The following TSHZ2 variants were observed in gnomAD, a reference collection of about 807,000 sequenced individuals.
TSHZ2 encodes teashirt zinc finger homeobox 2.
In TSHZ2, 21 loss-of-function variants were observed where a neutral mutation model predicts 74.4. The ratio of observed to expected loss-of-function variants is 0.28; its 90% CI spans 0.20 to 0.41. TSHZ2 has a LOEUF of 0.41. TSHZ2 is among the 10% of genes least tolerant of loss of function. The pLI is 1.00. For synonymous variants in TSHZ2, 540 were observed against 515.3 expected (o/e 1.05, Z -0.65); for missense variants, 1,244 against 1,293.5 (o/e 0.96, Z 0.59).
At chr20:53,025,961 A>C (rs1983426517) in intron 1 of TSHZ2, among the ~76,000 whole-genome samples, 1 of 152,218 alleles carries the variant, frequency 6.6e-6, no homozygotes, top group African/African-American at 2.4e-5. Context: ...CGACAGAAGT[A>C]GAGCCCGTTA....
intron 2 of TSHZ2, chr20:53,461,461 C>T (rs1159513073): frequency 6.5e-6 from 1 of 153,206 alleles, no homozygotes; most frequent in Non-Finnish European, 1.5e-5. Context: ...GTGAGATGAA[C>T]CCAGTACCTC....
chr20:53,413,643 A>T (rs1983132497), intron 2 of TSHZ2, among the ~76,000 whole-genome samples: 1 of 152,072 alleles, frequency 6.6e-6, no homozygotes, highest in Admixed American at 6.5e-5. Context: ...AGCAAGGACT[A>T]CTCCATTGTG....
chr20:53,095,055 C>T (rs535850729), intron 1 of TSHZ2, among the ~76,000 whole-genome samples: 19 of 152,256 alleles, frequency 1.2e-4, no homozygotes, highest in South Asian at 8.3e-4. Context: ...GAAAACCCAA[C>T]GCAAAATGGC....
chr20:53,281,145 T>G (rs369061261), intron 2 of TSHZ2, among the ~76,000 whole-genome samples: 3 of 152,208 alleles, frequency 2.0e-5, no homozygotes, highest in African/African-American at 7.2e-5. Context: ...ATAATTTCAG[T>G]GCTGTTAGTT....
At chr20:53,110,395 CCTT>C (rs1275779197) in intron 1 of TSHZ2, among the ~76,000 whole-genome samples, 1 of 152,042 alleles carries the variant, frequency 6.6e-6, no homozygotes, top group Non-Finnish European at 1.5e-5. Context: ...TTGCTGCAGC[CCTT>C]CTTCTCTATC....
chr20:52,981,372 T>C (rs1054049513), intron 1 of TSHZ2, among the ~76,000 whole-genome samples: 1 of 152,178 alleles, frequency 6.6e-6, no homozygotes, highest in Admixed American at 6.5e-5. Flanking sequence ...GCTGCTCAAA[T>C]CTCTGCCCTC....
intron 1 of TSHZ2, among the ~76,000 whole-genome samples, chr20:53,038,192 C>CAAAAAAA (rs869242676): frequency 4.1e-4 from 22 of 53,942 alleles, no homozygotes; most frequent in Admixed American, 6.3e-4. Context: ...GATTCCGTCT[C>CAAAAAAA]AAAAAAAAAA....
chr20:52,981,512 T>C (rs1028247122), intron 1 of TSHZ2, among the ~76,000 whole-genome samples: 3 of 152,166 alleles, frequency 2.0e-5, no homozygotes, highest in Non-Finnish European at 4.4e-5. Context: ...TAGTGTGTCT[T>C]TACCCTGAAT....
In TSHZ2 at chr20:53,207,447, T is replaced by C. The variant is rs1242158355; in HGVS notation, c.41-46052T>C. Among the ~76,000 whole-genome samples the C allele has an allele frequency of 2.0e-5, 3 of 152,110 alleles. No homozygotes were observed. The East Asian group carries it at 5.8e-4, about 29-fold the overall frequency. The stretch of plus-strand genomic sequence containing the variant: ...GAAGTTTGGTGGCAAGAAGCAGCAA[T>C]AAGGCCCCAGAAGCAGGAGGTCAGT... On this transcript the variant is annotated intron_variant, in intron 1 of 2. Coordinates refer to ENST00000371497, the MANE Select transcript of TSHZ2 (RefSeq NM_173485.6).
intron 1 of TSHZ2, among the ~76,000 whole-genome samples, chr20:53,165,424 A>G (rs1275237455): frequency 6.6e-6 from 1 of 152,214 alleles, no homozygotes; most frequent in Non-Finnish European, 1.5e-5. Context: ...AGCACCATGC[A>G]TTATTTACAC....
intron 2 of TSHZ2, among the ~76,000 whole-genome samples, chr20:53,409,634 A>G (rs187357090): frequency 6.6e-6 from 1 of 152,224 alleles, no homozygotes. Context: ...CACTCTGTTC[A>G]TATTGGCTTT....
intron 1 of TSHZ2, among the ~76,000 whole-genome samples, chr20:53,130,581 G>A (rs986469837): frequency 6.6e-6 from 1 of 152,142 alleles, no homozygotes; most frequent in Admixed American, 6.5e-5. Flanking sequence ...AGCTGAGATT[G>A]CTCCACTGCA....
chr20:52,996,039 T>C (rs1982173845), intron 1 of TSHZ2, among the ~76,000 whole-genome samples: 1 of 152,214 alleles, frequency 6.6e-6, no homozygotes, highest in Non-Finnish European at 1.5e-5. Flanking sequence ...TCTTAATAAA[T>C]GTTAATGTGG....
At chr20:53,377,092 G>A (rs1260843886) in intron 2 of TSHZ2, among the ~76,000 whole-genome samples, 5 of 152,196 alleles carry the variant, frequency 3.3e-5, no homozygotes, top group East Asian at 1.9e-4. Context: ...GAAAACAAGC[G>A]AGGAGTCATT....
At chr20:53,355,696 T>A (rs974017630) in intron 2 of TSHZ2, among the ~76,000 whole-genome samples, 7 of 152,222 alleles carry the variant, frequency 4.6e-5, no homozygotes, top group African/African-American at 1.7e-4. Flanking sequence ...GTTGAACAAC[T>A]GAAATTATAC....
chr20:53,185,591 G>T, intron 1 of TSHZ2: 1 of 1,528,762 alleles, frequency 6.5e-7, no homozygotes, highest in Admixed American at 2.0e-5. Flanking sequence ...CTGCACTCCA[G>T]CTGGGGATAC....
chr20:53,194,878 T>G lies in TSHZ2; in HGVS notation c.41-58621T>G, dbSNP rs113280699. Among the ~76,000 whole-genome samples the G allele has an allele frequency of 2.0e-3, 301 of 152,336 alleles. 3 individuals carry two copies. The highest frequency in any genetic ancestry group is 7.0e-3 in the African/African-American group (292 of 41,576). ...TTTCACTTTGGAATCAATCACAGGC[T>G]AGTTCTGATTGTGACCTTGCAAAGA... is the stretch of plus-strand genomic sequence containing the variant. On this transcript the variant is annotated intron_variant, in intron 1 of 2. Transcript: ENST00000371497.
At chr20:53,215,656 C>T (rs773189246) in intron 1 of TSHZ2, among the ~76,000 whole-genome samples, 2 of 151,594 alleles carry the variant, frequency 1.3e-5, no homozygotes, top group South Asian at 4.2e-4. Context: ...CACCTGAGGT[C>T]GGGAGTTCGA....
chr20:53,154,456 C>G (rs1271982514), intron 1 of TSHZ2, among the ~76,000 whole-genome samples: 23 of 152,182 alleles, frequency 1.5e-4, no homozygotes, highest in Non-Finnish European at 2.9e-5. Context: ...CCTGGCATAG[C>G]AAGAACTGTG....
Sources: allele counts gnomAD v4.1 joint callset (sites outside exome capture counted in the v4.1 genomes callset), GRCh38; gene constraint gnomAD v4.1.1; transcripts MANE v1.5; gene names NCBI Gene and HGNC (gene_info 2026-07-23, HGNC 2026-07-21).